CHIC2: variants seen among roughly 807,000 people sequenced by gnomAD.
CHIC2 encodes cysteine rich hydrophobic domain 2.
Under a neutral mutation model 25.9 loss-of-function variants are expected in CHIC2, and 14 were observed. That is an observed-to-expected ratio of 0.54 (90% CI 0.36 to 0.85). The LOEUF is 0.85. Among genes scored for constraint, CHIC2 ranks in the 40% least tolerant of loss-of-function variants. The probability of loss-of-function intolerance (pLI) is 0.01; values close to 1 mark genes in which losing one functional copy is unlikely to be tolerated. For synonymous variants in CHIC2, 70 were observed against 72.0 expected, an observed-to-expected ratio of 0.97 and a Z score of 0.14; for missense variants, 146 against 202.0, an observed-to-expected ratio of 0.72 and a Z score of 1.68.
At chr4:54,063,343 T>C (rs1553887821) in intron 1 of CHIC2, among the ~76,000 whole-genome samples, 5 of 152,224 alleles carry the variant, frequency 3.3e-5, no homozygotes, top group Non-Finnish European at 4.4e-5. Flanking sequence ...GTGGACTTCA[T>C]AGTGAAACAT....
rs1656561419 is a variant in CHIC2 at position 54,049,235 on chromosome 4, T to C, written c.174+16A>G. On this transcript the variant is annotated intron_variant, in intron 2 of 5. Coordinates refer to ENST00000263921, the MANE Select transcript of CHIC2 (RefSeq NM_012110.4). ...CATTTTGAGGCATACAAATAGTACA[T>C]AAATGAGACACTCACTTTTCCAGTT... The C allele has an allele frequency of 6.3e-7, 1 of 1,598,136 alleles. No individual in the cohort carries two copies. The highest frequency in any genetic ancestry group is 8.5e-7 in the Non-Finnish European group (1 of 1,169,658).
chr4:54,021,564 G>A (rs1334956033), intron 3 of CHIC2, among the ~76,000 whole-genome samples: 6 of 151,892 alleles, frequency 4.0e-5, no homozygotes, highest in East Asian at 3.9e-4. Context: ...GTTTCATTCC[G>A]CGACTAGCCC....
At chr4:54,038,639 A>C (rs1716466829) in intron 3 of CHIC2, among the ~76,000 whole-genome samples, 1 of 152,202 alleles carries the variant, frequency 6.6e-6, no homozygotes, top group African/African-American at 2.4e-5. Flanking sequence ...TTTATAAAGA[A>C]AGGTAAAGAA....
intron 3 of CHIC2, among the ~76,000 whole-genome samples, chr4:54,045,100 A>G (rs1444720668): frequency 6.6e-6 from 1 of 152,216 alleles, no homozygotes; most frequent in African/African-American, 2.4e-5. Flanking sequence ...CTAAACCAGG[A>G]AGAAGTTGAA....
chr4:54,057,282 T>C (rs891521689), intron 1 of CHIC2, among the ~76,000 whole-genome samples: 3 of 152,196 alleles, frequency 2.0e-5, no homozygotes, highest in African/African-American at 7.2e-5. Flanking sequence ...TTCTATAACC[T>C]TCTAAATTTC....
At position 54,013,889 on chromosome 4, in the gene CHIC2, A is replaced by C; in HGVS notation, c.395T>G (p.Leu132Trp). The C allele has an allele frequency of 1.2e-6, 2 of 1,613,420 alleles. No individual in the cohort carries two copies. The highest frequency in any genetic ancestry group is 8.5e-7 in the Non-Finnish European group (1 of 1,179,506). ...ENNRLYHKLC[L>W]HWRLSKRKCE... ...TTTCCTTTTGCTCAGTCTCCAATGC[A>C]AGCACAGCTAGACAAGTAGGAAAGT... Residue 132 changes from leucine (L) to tryptophan (W), a missense_variant, in exon 5 of 6, where the codon TTG becomes TGG. Coordinates refer to ENST00000263921, the MANE Select transcript of CHIC2 (RefSeq NM_012110.4).
At chr4:54,044,083 C>T (rs1344596634) in intron 3 of CHIC2, among the ~76,000 whole-genome samples, 2 of 152,152 alleles carry the variant, frequency 1.3e-5, no homozygotes, top group African/African-American at 4.8e-5. Flanking sequence ...GTAAAGGGAT[C>T]AATTCAACAA....
intron 3 of CHIC2, 114 bp from the exon 4 acceptor site, chr4:54,014,233 T>C: frequency 2.6e-6 from 2 of 765,796 alleles, no homozygotes; most frequent in Admixed American, 4.5e-5. Flanking sequence ...GAGTATAGTG[T>C]GGTGTGCATC....
At chr4:54,087,531 G>C in the CHIC2 span, 3 of 1,170,446 alleles carry the variant, frequency 2.6e-6, no homozygotes, top group Non-Finnish European at 3.4e-6. Flanking sequence ...AAATTTGAGA[G>C]GCCCCTGTAT....
At chr4:54,087,538 G>A in the CHIC2 span, 3 of 1,162,386 alleles carry the variant, frequency 2.6e-6, no homozygotes, top group Non-Finnish European at 3.4e-6. Flanking sequence ...AGAGGCCCCT[G>A]TATGCAGAAA....
At chr4:54,077,492 A>G in the CHIC2 span, among the ~76,000 whole-genome samples, 209 of 152,308 alleles carry the variant, frequency 1.4e-3, 1 homozygote, top group Non-Finnish European at 1.5e-3. Flanking sequence ...TAAGAGTTCA[A>G]TGGCTGAACT....
chr4:54,054,031 G>A (rs1205462398), intron 1 of CHIC2, among the ~76,000 whole-genome samples: 9 of 152,184 alleles, frequency 5.9e-5, no homozygotes, highest in Admixed American at 2.6e-4. Context: ...CAAGTGATCC[G>A]CCCACCTTGG....
At chr4:54,066,323 A>G (rs1337967388), upstream of CHIC2, among the ~76,000 whole-genome samples, 1 of 152,202 alleles carries the variant, frequency 6.6e-6, no homozygotes. Context: ...CCAGTACACA[A>G]TAAATACGGG....
chr4:54,048,199 A>G (rs1329733236), intron 3 of CHIC2, among the ~76,000 whole-genome samples: 2 of 152,214 alleles, frequency 1.3e-5, no homozygotes, highest in Admixed American at 1.3e-4. Context: ...CATGTACGCC[A>G]GACTGGTCTT....
upstream of CHIC2, among the ~76,000 whole-genome samples, chr4:54,066,006 C>T (rs963501811): frequency 1.3e-5 from 2 of 152,134 alleles, no homozygotes; most frequent in African/African-American, 2.4e-5. Context: ...GCACTGTGGA[C>T]GTGTGTGAAT....
chr4:54,076,742 T>A, the CHIC2 span: 1 of 152,244 alleles, frequency 6.6e-6, no homozygotes, highest in Non-Finnish European at 1.5e-5. Context: ...AAAGTTTACA[T>A]TGCTGAACCA....
At chr4:54,073,190 T>C in the CHIC2 span, among the ~76,000 whole-genome samples, 87 of 152,328 alleles carry the variant, frequency 5.7e-4, no homozygotes, top group Admixed American at 1.8e-3. Flanking sequence ...GCAGAGGCAG[T>C]CTCTCACTCC....
rs1038159620 is a variant in CHIC2, at chr4:54,013,835, A to C, written c.447+2T>G. ...AACTCACAAAACAGCCCTTTAACTT[A>C]CATATTCCATCATGTTATTCGTTTC... On this transcript the variant is annotated splice_donor_variant, in intron 5 of 5. Coordinates refer to ENST00000263921, the MANE Select transcript of CHIC2 (RefSeq NM_012110.4). LOFTEE classifies it high-confidence loss of function. The C allele has an allele frequency of 6.2e-7, 1 of 1,612,836 alleles. No individual in the cohort carries two copies. The highest frequency in any genetic ancestry group is 1.3e-5 in the African/African-American group (1 of 74,862).
chr4:54,087,802 T>G, the CHIC2 span: 31 of 418,954 alleles, frequency 7.4e-5, no homozygotes, highest in African/African-American at 5.7e-4. Context: ...TACAGACCAT[T>G]CACTGTTATT....
Sources: allele counts gnomAD v4.1 joint callset (sites outside exome capture counted in the v4.1 genomes callset), GRCh38; gene constraint gnomAD v4.1.1; transcripts MANE v1.5; gene names NCBI Gene and HGNC (gene_info 2026-07-23, HGNC 2026-07-21).